The following CSDE1 variants were observed in gnomAD, a reference collection of about 807,000 sequenced individuals.
CSDE1 encodes cold shock domain containing E1.
A neutral mutation model predicts 89.3 loss-of-function variants in CSDE1; 17 were observed. The ratio of observed to expected loss-of-function variants is 0.19; its 90% CI spans 0.13 to 0.29. The LOEUF is 0.29. Among genes scored for constraint, CSDE1 ranks in the 10% least tolerant of loss-of-function variants. The pLI is 1.00. For synonymous variants in CSDE1, 322 were observed against 332.8 expected, an observed-to-expected ratio of 0.97 and a Z score of 0.35; for missense variants, 672 against 984.2, an observed-to-expected ratio of 0.68 and a Z score of 4.24.
In CSDE1 at chr1:114,740,085, G is replaced by T. The variant is rs530683302; in HGVS notation, c.1-195C>A. ...TCAGAGGAAACAACTTATTATATTG[G>T]GGAATTGCCCCAAATTATGGTAGAA... On this transcript the variant is annotated intron_variant, in intron 2 of 19. Coordinates refer to ENST00000358528, the MANE Select transcript of CSDE1 (RefSeq NM_001007553.3). Among the ~76,000 whole-genome samples the T allele has an allele frequency of 7.2e-5, 11 of 152,208 alleles. No individual in the cohort carries two copies. The South Asian group carries it at 2.3e-3, about 32-fold the overall frequency.
At chr1:114,747,424 T>C (rs1661072243) in intron 2 of CSDE1, among the ~76,000 whole-genome samples, 1 of 152,238 alleles carries the variant, frequency 6.6e-6, no homozygotes, top group South Asian at 2.1e-4. Flanking sequence ...TGTAAACATG[T>C]AATTTTTAGA....
rs373699614 is a variant in CSDE1 at position 114,751,615 on chromosome 1, CTTTA to C, written c.-387-1412_-387-1409del. On this transcript the variant is annotated intron_variant, in intron 1 of 19. Coordinates refer to ENST00000358528, the MANE Select transcript of CSDE1 (RefSeq NM_001007553.3). ...TACATACACTTGTCTGATCTTTCAA[CTTTA>C]TTTAGATCATTCTCCTATTACCCAG... is the stretch of plus-strand genomic sequence containing the variant. Among the ~76,000 whole-genome samples the C allele has an allele frequency of 1.6e-4, 25 of 152,050 alleles. No individual in the cohort carries two copies. The East Asian group carries it at 4.6e-3, about 28-fold the overall frequency.
At chr1:114,744,345 G>T (rs1660900104) in intron 2 of CSDE1, among the ~76,000 whole-genome samples, 1 of 152,090 alleles carries the variant, frequency 6.6e-6, no homozygotes, top group South Asian at 2.1e-4. Flanking sequence ...ACTTTGAGAG[G>T]CCGAGGTGGC....
chr1:114,721,892 T>A (rs1320445316), intron 16 of CSDE1, among the ~76,000 whole-genome samples: 1 of 149,876 alleles, frequency 6.7e-6, no homozygotes, highest in Non-Finnish European at 1.5e-5. Context: ...GACTTTTTTT[T>A]TTTTTTTTGA....
At chr1:114,720,191 G>C (rs1436752470) in intron 17 of CSDE1, 6 of 221,862 alleles carry the variant, frequency 2.7e-5, no homozygotes, top group Admixed American at 5.4e-5. Context: ...TATTTTTTAA[G>C]TACTTTTGAA....
At position 114,732,729 on chromosome 1, in the gene CSDE1, T is replaced by A. The variant is rs773252046; in HGVS notation, c.925A>T (p.Thr309Ser). Residue 309 changes from threonine to serine, a missense_variant, in exon 10 of 20, where the codon ACC becomes TCC. Coordinates refer to ENST00000358528, the MANE Select transcript of CSDE1 (RefSeq NM_001007553.3). ...CTAACATGGTCACCTTCCAGCAGGGTCACCTTGGATTTCGTATCTTTGTCT... is the reference window on the plus strand; with the variant it reads ...CTAACATGGTCACCTTCCAGCAGGGACACCTTGGATTTCGTATCTTTGTCT... ...FGDKDTKSKVTLLEGDHVRFN... is the reference protein window; with the variant it reads ...FGDKDTKSKVSLLEGDHVRFN... 11 of 1,614,170 alleles carry A rather than the reference T, an allele frequency of 6.8e-6. No individual in the cohort carries two copies. The highest frequency in any genetic ancestry group is 1.7e-5 in the Admixed American group (1 of 60,016).
chr1:114,743,473 G>C (rs1451081548), intron 2 of CSDE1, among the ~76,000 whole-genome samples: 1 of 152,210 alleles, frequency 6.6e-6, no homozygotes, highest in Non-Finnish European at 1.5e-5. Flanking sequence ...AAAGTGATGG[G>C]ATTACAGGCG....
intron 7 of CSDE1, 118 bp from the exon 8 acceptor site, chr1:114,734,235 C>A: frequency 7.9e-7 from 1 of 1,270,080 alleles, no homozygotes; most frequent in South Asian, 1.5e-5. Flanking sequence ...TAATTTGGTA[C>A]AACCTAATAT....
At chr1:114,731,565 T>C (rs1570914655) in intron 10 of CSDE1, among the ~76,000 whole-genome samples, 1 of 152,080 alleles carries the variant, frequency 6.6e-6, no homozygotes, top group African/African-American at 2.4e-5. Flanking sequence ...GTAGATGATA[T>C]GATCCCAAAC....
intron 10 of CSDE1, among the ~76,000 whole-genome samples, chr1:114,731,075 C>T (rs913172290): frequency 6.6e-6 from 1 of 151,866 alleles, no homozygotes; most frequent in Non-Finnish European, 1.5e-5. Flanking sequence ...TTAAAATTTA[C>T]ATCTGAAGAA....
In CSDE1 at chr1:114,747,398, G is replaced by A. The variant is rs140885912; in HGVS notation, c.-1+2423C>T. Among the ~76,000 whole-genome samples, 310 of 152,102 alleles carry A rather than the reference G, an allele frequency of 2.0e-3. 4 individuals carry two copies. The highest frequency in any genetic ancestry group is 7.0e-3 in the African/African-American group (291 of 41,476). On this transcript the variant is annotated intron_variant, in intron 2 of 19. Coordinates refer to ENST00000358528, the MANE Select transcript of CSDE1 (RefSeq NM_001007553.3). ...TGCCAATAATCTTCATCCCAATTGT[G>A]GTTTCTTTGTACATATGTAAACATG...
intron 2 of CSDE1, among the ~76,000 whole-genome samples, chr1:114,744,664 G>C (rs947076616): frequency 2.6e-5 from 4 of 151,936 alleles, no homozygotes; most frequent in African/African-American, 9.7e-5. Flanking sequence ...TAAAATCTTT[G>C]CAAGGGCGGA....
chr1:114,720,458 C>A, intron 17 of CSDE1, 81 bp downstream of exon 17: 1 of 1,289,604 alleles, frequency 7.8e-7, no homozygotes. Context: ...TGATGATTTC[C>A]CCTTGGCTGA....
In CSDE1 at chr1:114,718,756, G is replaced by C. The variant is rs1249365437; in HGVS notation, c.2217-11C>G. 6.2e-7 allele frequency: 1 copy of C among 1,612,732 alleles called. No homozygotes were observed. Among genetic ancestry groups the C allele is most frequent in the South Asian group, 1.1e-5 (1 of 90,832 alleles). The stretch of plus-strand genomic sequence containing the variant: ...GCCTTGGGGCCCTCACTGTAATTAA[G>C]TCAAAAGATGAGAAGAAACCACACT... On this transcript the variant is annotated splice_polypyrimidine_tract_variant and intron_variant, in intron 18 of 19. Coordinates refer to ENST00000358528, the MANE Select transcript of CSDE1 (RefSeq NM_001007553.3).
In CSDE1 at chr1:114,740,036, C is replaced by T. The variant is rs1349101299; in HGVS notation, c.1-146G>A. ...AAGATTATAGACTTTATTACTGCAGCATTAATTTAGCTAATAAAACATTTC... is the reference window on the plus strand; with the variant it reads ...AAGATTATAGACTTTATTACTGCAGTATTAATTTAGCTAATAAAACATTTC... On this transcript the variant is annotated intron_variant, in intron 2 of 19. Coordinates refer to ENST00000358528, the MANE Select transcript of CSDE1 (RefSeq NM_001007553.3). The T allele has an allele frequency of 2.7e-5, 16 of 602,464 alleles. No homozygotes were observed. In the East Asian group the frequency reaches 3.8e-4, roughly 14 times the overall value. 37.3% of individuals were successfully genotyped at this position (602,464 alleles called of 1,614,324 possible).
chr1:114,745,717 ATTTACT>A (rs1660976724), intron 2 of CSDE1, among the ~76,000 whole-genome samples: 1 of 152,212 alleles, frequency 6.6e-6, no homozygotes. Context: ...TTTTCTACAT[ATTTACT>A]TTTAAACTGA....
chr1:114,730,238 T>G lies in CSDE1; in HGVS notation c.1356+20A>C. ...AGAAATAAACAGCTACAAAAATCAT[T>G]TGGATTATGCAAAACCTACCTTCTC... On this transcript the variant is annotated intron_variant, in intron 12 of 19. Transcript: ENST00000358528. The G allele has an allele frequency of 6.2e-7, 1 of 1,608,462 alleles. No individual in the cohort carries two copies. The highest frequency in any genetic ancestry group is 8.5e-7 in the Non-Finnish European group (1 of 1,178,164).
At chr1:114,722,927 AT>A (rs1483022294) in intron 16 of CSDE1, among the ~76,000 whole-genome samples, 16 of 152,342 alleles carry the variant, frequency 1.1e-4, no homozygotes, top group African/African-American at 3.6e-4. Flanking sequence ...ATGACCTGCT[AT>A]TCAGCACTTT....
intron 6 of CSDE1, among the ~76,000 whole-genome samples, chr1:114,735,201 A>T (rs183874919): frequency 6.6e-6 from 1 of 152,308 alleles, no homozygotes; most frequent in Non-Finnish European, 1.5e-5. Context: ...ATGTAAATTC[A>T]ATTTTGTTTT....
Sources: allele counts gnomAD v4.1 joint callset (sites outside exome capture counted in the v4.1 genomes callset), GRCh38; gene constraint gnomAD v4.1.1; transcripts MANE v1.5; gene names NCBI Gene and HGNC (gene_info 2026-07-23, HGNC 2026-07-21).